The following KANK1 variants were observed in gnomAD, a reference collection of about 807,000 sequenced individuals.
KANK1 encodes KN motif and ankyrin repeat domains 1.
KANK1 carries 109 observed loss-of-function variants against 106.2 expected under a neutral mutation model. The ratio of observed to expected loss-of-function variants is 1.03; its 90% confidence interval spans 0.88 to 1.20. The LOEUF (loss-of-function observed/expected upper bound fraction) is 1.20, where lower values mean the gene tolerates loss of function less well. KANK1 is among the 50% of genes most tolerant of loss of function. The pLI, the probability that KANK1 is intolerant of heterozygous loss-of-function variation, is 0.00. For synonymous variants in KANK1, 873 were observed against 652.2 expected (o/e 1.34, Z -5.16); for missense variants, 2,399 against 1,710.7 (o/e 1.40, Z -7.10).
intron 1 of KANK1, among the ~76,000 whole-genome samples, chr9:646,783 G>A (rs1020384337): frequency 3.3e-5 from 5 of 149,990 alleles, no homozygotes; most frequent in South Asian, 2.1e-4. Context: ...TCCGCCTCCC[G>A]GGTTAAAGCA....
At chr9:689,022 T>G (rs1340615196) in intron 2 of KANK1, among the ~76,000 whole-genome samples, 1 of 152,218 alleles carries the variant, frequency 6.6e-6, no homozygotes, top group East Asian at 1.9e-4. Context: ...TTTACAGCCT[T>G]CATAGAGTCT....
chr9:636,730 G>T (rs911250489), intron 1 of KANK1, among the ~76,000 whole-genome samples: 20 of 152,170 alleles, frequency 1.3e-4, no homozygotes, highest in Non-Finnish European at 2.6e-4. Flanking sequence ...AGCCAGATAT[G>T]GTGGTGTGTG....
chr9:716,994 G>C (rs536058483), intron 3 of KANK1, among the ~76,000 whole-genome samples: 6 of 150,982 alleles, frequency 4.0e-5, no homozygotes, highest in Non-Finnish European at 7.4e-5. Context: ...GGGTGGGGGT[G>C]GTGGGGGGAG....
chr9:722,253 T>G (rs1829522671), intron 3 of KANK1, among the ~76,000 whole-genome samples: 1 of 152,246 alleles, frequency 6.6e-6, no homozygotes, highest in South Asian at 2.1e-4. Context: ...CCCTGAATTC[T>G]ATTTTATTTA....
At chr9:543,226 G>C (rs765868367) in intron 1 of KANK1, among the ~76,000 whole-genome samples, 1 of 152,010 alleles carries the variant, frequency 6.6e-6, no homozygotes, top group African/African-American at 2.4e-5. Context: ...GTCACCCAAC[G>C]TATTTATTAA....
At chr9:585,753 G>C (rs1019591970) in intron 1 of KANK1, among the ~76,000 whole-genome samples, 1 of 152,058 alleles carries the variant, frequency 6.6e-6, no homozygotes, top group South Asian at 2.1e-4. Flanking sequence ...TGAAAGAGGG[G>C]GTAAGAAAAG....
chr9:690,897 G>A (rs1162881512), intron 2 of KANK1, among the ~76,000 whole-genome samples: 1 of 152,164 alleles, frequency 6.6e-6, no homozygotes, highest in Admixed American at 6.5e-5. Flanking sequence ...TTCTCACTGG[G>A]CGTCACCTTT....
At chr9:517,349 G>A (rs1470356029) in intron 1 of KANK1, among the ~76,000 whole-genome samples, 3 of 151,760 alleles carry the variant, frequency 2.0e-5, no homozygotes, top group Admixed American at 6.6e-5. Context: ...TGATCTGCCT[G>A]CCTCGGCCTT....
rs767838745 is a variant in KANK1 at position 712,621 on chromosome 9, A to G, written c.1855A>G (p.Asn619Asp). ...SVNDLTLLKT[N>D]LNLKEVRSIG... Reference sequence around the variant, plus strand: ...GAACGACCTCACACTCCTCAAGACAAACTTGAATCTCAAAGAAGTGCGGTC... The same window carrying G: ...GAACGACCTCACACTCCTCAAGACAGACTTGAATCTCAAAGAAGTGCGGTC... The change falls in exon 3 of 12, where the codon AAC becomes GAC. Residue 619 changes from asparagine to aspartate, a missense_variant. Physicochemically the swap from Asn to Asp is conservative, Grantham distance 23 (BLOSUM62 1). Transcript: ENST00000382297. The G allele has an allele frequency of 3.7e-6, 6 of 1,614,178 alleles. No individual in the cohort carries two copies. In the South Asian group the frequency reaches 4.4e-5, roughly 12 times the overall value.
chr9:735,741 C>A, intron 7 of KANK1: 1 of 441,336 alleles, frequency 2.3e-6, no homozygotes, highest in Non-Finnish European at 4.7e-6. Context: ...CACCTATGAT[C>A]CCAACACTTC....
intron 3 of KANK1, among the ~76,000 whole-genome samples, chr9:482,207 A>G (rs556825986): frequency 9.8e-5 from 15 of 152,320 alleles, no homozygotes; most frequent in African/African-American, 3.6e-4. Context: ...CAACACAGTC[A>G]TTGGGCTACC....
intron 8 of KANK1, 78 bp downstream of exon 8, chr9:738,582 C>A: frequency 8.8e-7 from 1 of 1,142,306 alleles, no homozygotes; most frequent in Non-Finnish European, 1.3e-6. Context: ...CTGGTTGAGC[C>A]ACTCCTGAAT....
At chr9:683,689 C>G (rs148755415) in intron 2 of KANK1, among the ~76,000 whole-genome samples, 1 of 152,316 alleles carries the variant, frequency 6.6e-6, no homozygotes, top group African/African-American at 2.4e-5. Context: ...AACGTCCTCC[C>G]TGATAGGGAT....
chr9:687,962 C>A (rs1427817501), intron 2 of KANK1, among the ~76,000 whole-genome samples: 1 of 152,128 alleles, frequency 6.6e-6, no homozygotes, highest in Non-Finnish European at 1.5e-5. Context: ...TCAACAGATT[C>A]AATGTTCAAC....
rs368617929 is a variant in KANK1, at chr9:603,283, C to G, written c.-83-73607C>G. On this transcript the variant is annotated intron_variant, in intron 1 of 11. Transcript: ENST00000382297. ...ACAAATCTCAACTGGCAGATAAAGC[C>G]TAGTATTGAATTGTTTTCAGTTCAG... is the stretch of plus-strand genomic sequence containing the variant. Among the ~76,000 whole-genome samples the G allele has an allele frequency of 1.3e-4, 20 of 151,914 alleles. 1 individual carries two copies. The highest frequency in any genetic ancestry group is 7.8e-4 in the Admixed American group (12 of 15,288).
At chr9:717,981 C>A (rs553044347) in intron 3 of KANK1, among the ~76,000 whole-genome samples, 1 of 146,662 alleles carries the variant, frequency 6.8e-6, no homozygotes, top group Non-Finnish European at 1.5e-5. Flanking sequence ...TATCTTAGTT[C>A]ATCAAAAGTT....
At chr9:526,056 C>G (rs1201942927) in intron 1 of KANK1, among the ~76,000 whole-genome samples, 1 of 151,726 alleles carries the variant, frequency 6.6e-6, no homozygotes, top group Non-Finnish European at 1.5e-5. Context: ...CCCTCTCTGC[C>G]TCTGAGGAGA....
intron 1 of KANK1, among the ~76,000 whole-genome samples, chr9:672,882 T>G (rs1815516414): frequency 6.6e-6 from 1 of 152,166 alleles, no homozygotes; most frequent in Non-Finnish European, 1.5e-5. Flanking sequence ...CCTAAATCGT[T>G]TCGCAGGAGT....
At chr9:510,675 T>A (rs1053358269) in intron 1 of KANK1, among the ~76,000 whole-genome samples, 3 of 152,210 alleles carry the variant, frequency 2.0e-5, no homozygotes, top group Non-Finnish European at 4.4e-5. Context: ...CTTACTATTC[T>A]TTTTCTGGAA....
Sources: gnomAD v4.1 joint callset for allele counts (sites outside exome capture counted in the v4.1 genomes callset) on GRCh38, gnomAD v4.1.1 for gene constraint, MANE v1.5 for transcripts, NCBI Gene and HGNC (gene_info 2026-07-23, HGNC 2026-07-21) for gene names.